Variants in SDK1 observed in about 807,000 individuals in gnomAD.
SDK1 encodes protein sidekick-1.
SDK1 carries 157 observed loss-of-function variants against 245.5 expected under a neutral mutation model. That is an observed-to-expected ratio of 0.64 (90% CI 0.56 to 0.73). The LOEUF (loss-of-function observed/expected upper bound fraction) is 0.73. SDK1 is among the 30% of genes least tolerant of loss of function. SDK1 has a pLI of 0.00. For synonymous variants in SDK1, 1,647 were observed against 1,278.5 expected (o/e 1.29, Z -6.15); for missense variants, 3,583 against 3,002.3 (o/e 1.19, Z -4.52).
At chr7:3,316,029 A>G (rs1353354953) in intron 1 of SDK1, among the ~76,000 whole-genome samples, 1 of 152,190 alleles carries the variant, frequency 6.6e-6, no homozygotes, top group Admixed American at 6.5e-5. Flanking sequence ...TCTAGTGTCA[A>G]ATTCTCCCCA....
chr7:3,454,728 A>G (rs1163770293), intron 1 of SDK1, among the ~76,000 whole-genome samples: 5 of 152,272 alleles, frequency 3.3e-5, no homozygotes, highest in African/African-American at 9.6e-5. Flanking sequence ...GGAATATACC[A>G]TGGTTTGACT....
intron 5 of SDK1, among the ~76,000 whole-genome samples, chr7:3,867,894 T>C (rs192268289): frequency 6.6e-5 from 10 of 152,218 alleles, no homozygotes; most frequent in Admixed American, 5.9e-4. Context: ...AACATGTTCT[T>C]TTTTTTTCAT....
At chr7:3,731,788 G>GTTTTA (rs1170533811) in intron 4 of SDK1, among the ~76,000 whole-genome samples, 3 of 151,984 alleles carry the variant, frequency 2.0e-5, no homozygotes, top group Non-Finnish European at 4.4e-5. Flanking sequence ...CTTATTTTAG[G>GTTTTA]TTTTATTTTA....
chr7:3,742,971 T>C lies in SDK1; in HGVS notation c.714-78479T>C, dbSNP rs144579784. Among the ~76,000 whole-genome samples, 28 of 152,340 alleles carry C rather than the reference T, an allele frequency of 1.8e-4. No individual in the cohort carries two copies. In the East Asian group the frequency reaches 5.4e-3, roughly 29 times the overall value. On this transcript the variant is annotated intron_variant, in intron 4 of 44. Transcript: ENST00000404826. ...TGGTTTTCTACCAGATGAATGACCC[T>C]CATTAACATGAGGAAGCATGTATGG...
At chr7:3,874,539 C>A (rs938883370) in intron 5 of SDK1, among the ~76,000 whole-genome samples, 1 of 152,172 alleles carries the variant, frequency 6.6e-6, no homozygotes, top group African/African-American at 2.4e-5. Flanking sequence ...CCTTCCCTAC[C>A]TGTCATGCTG....
chr7:3,343,041 G>C (rs1780390834), intron 1 of SDK1, among the ~76,000 whole-genome samples: 1 of 147,244 alleles, frequency 6.8e-6, no homozygotes, highest in African/African-American at 2.5e-5. Context: ...TGAAGATGCA[G>C]AGAAACATTG....
chr7:3,800,363 TTAC>T (rs1779076315), intron 4 of SDK1, among the ~76,000 whole-genome samples: 2 of 137,014 alleles, frequency 1.5e-5, no homozygotes, highest in African/African-American at 5.3e-5. Flanking sequence ...ACTTACTTAC[TTAC>T]TTACTTATTT....
intron 1 of SDK1, among the ~76,000 whole-genome samples, chr7:3,374,855 C>G (rs1411059299): frequency 6.6e-6 from 1 of 152,064 alleles, no homozygotes; most frequent in Non-Finnish European, 1.5e-5. Flanking sequence ...AGATTGTATG[C>G]TTTTTTTCCC....
chr7:3,671,052 A>C (rs548135211), intron 4 of SDK1, among the ~76,000 whole-genome samples: 1 of 152,128 alleles, frequency 6.6e-6, no homozygotes, highest in Non-Finnish European at 1.5e-5. Context: ...TGTTTCTCCT[A>C]TTGGGCTCTA....
At chr7:3,469,915 G>A (rs1002850375) in intron 1 of SDK1, among the ~76,000 whole-genome samples, 7 of 152,086 alleles carry the variant, frequency 4.6e-5, no homozygotes, top group Non-Finnish European at 8.8e-5. Context: ...CTAGTCAATG[G>A]TTTCATCCTA....
intron 1 of SDK1, among the ~76,000 whole-genome samples, chr7:3,369,036 CTTTTCTT>C (rs1309829639): frequency 6.6e-6 from 1 of 151,554 alleles, no homozygotes; most frequent in Non-Finnish European, 1.5e-5. Context: ...TTTTTCTTTC[CTTTTCTT>C]TTTTCTTTTT....
At position 3,789,311 on chromosome 7, in the gene SDK1, C is replaced by G. The variant is rs940592321; in HGVS notation, c.714-32139C>G. Among the ~76,000 whole-genome samples the G allele has an allele frequency of 2.6e-5, 4 of 152,232 alleles. No homozygotes were observed. In the South Asian group the frequency reaches 8.3e-4, roughly 32 times the overall value. Reference sequence around the variant, plus strand: ...TCCAGGCATGCGCCACCACGCCCGGCTAATTTTTGTGTTTTTAGTAGAGAT... The same window carrying G: ...TCCAGGCATGCGCCACCACGCCCGGGTAATTTTTGTGTTTTTAGTAGAGAT... On this transcript the variant is annotated intron_variant, in intron 4 of 44. Transcript: ENST00000404826.
intron 1 of SDK1, among the ~76,000 whole-genome samples, chr7:3,455,578 A>C (rs1448127833): frequency 6.6e-6 from 1 of 152,114 alleles, no homozygotes; most frequent in Non-Finnish European, 1.5e-5. Flanking sequence ...CCGTGTAAAA[A>C]ATTAGCTGGG....
intron 4 of SDK1, among the ~76,000 whole-genome samples, chr7:3,736,945 C>T (rs1410556225): frequency 2.6e-5 from 4 of 152,204 alleles, no homozygotes; most frequent in African/African-American, 9.7e-5. Context: ...GTGCCTCAGC[C>T]TTGGCAACCA....
chr7:3,692,505 A>T (rs1274201028), intron 4 of SDK1, among the ~76,000 whole-genome samples: 2 of 152,140 alleles, frequency 1.3e-5, no homozygotes, highest in Non-Finnish European at 2.9e-5. Flanking sequence ...AAGCTTGTTG[A>T]ATAATTTGTA....
chr7:3,926,637 C>T (rs1428541750), intron 5 of SDK1, among the ~76,000 whole-genome samples: 2 of 152,122 alleles, frequency 1.3e-5, no homozygotes, highest in East Asian at 3.9e-4. Flanking sequence ...CCTTGGCCTT[C>T]TACAGTGCTG....
rs71029682 is a variant in SDK1, at chr7:3,582,683, TAAAAAAAAAA to T, written c.299-36380_299-36371del. Among the ~76,000 whole-genome samples, 347 of 69,680 alleles carry T rather than the reference TAAAAAAAAAA, an allele frequency of 5.0e-3. 8 individuals carry two copies. The highest frequency in any genetic ancestry group is 0.018 in the African/African-American group (325 of 17,698). 45.7% of individuals were successfully genotyped at this position (69,680 alleles called of 152,430 possible). The stretch of plus-strand genomic sequence containing the variant: ...ATGTAGCCCTGAACCTAAACTAAAG[TAAAAAAAAAA>T]AAAAAAAAAAAAAAAAGGTACCATC... On this transcript the variant is annotated intron_variant, in intron 1 of 44. Transcript: ENST00000404826.
At chr7:3,745,130 C>G (rs1008066639) in intron 4 of SDK1, among the ~76,000 whole-genome samples, 4 of 152,274 alleles carry the variant, frequency 2.6e-5, no homozygotes, top group South Asian at 2.1e-4. Flanking sequence ...TGTTTTGAAC[C>G]CCGTGCATGA....
chr7:3,797,226 T>A (rs1778982329), intron 4 of SDK1, among the ~76,000 whole-genome samples: 2 of 152,056 alleles, frequency 1.3e-5, no homozygotes, highest in Non-Finnish European at 2.9e-5. Flanking sequence ...CAAGCATTCC[T>A]CCTGCCTCGG....
Sources: gnomAD v4.1 joint callset for allele counts (sites outside exome capture counted in the v4.1 genomes callset) on GRCh38, gnomAD v4.1.1 for gene constraint, MANE v1.5 for transcripts, NCBI Gene and HGNC (gene_info 2026-07-23, HGNC 2026-07-21) for gene names.